The following KCNK4 variants were observed in gnomAD, a reference collection of about 807,000 sequenced individuals.
KCNK4 encodes the protein potassium channel subfamily K member 4.
A neutral mutation model predicts 28.8 loss-of-function variants in KCNK4; 22 were observed. The ratio of observed to expected loss-of-function variants is 0.76; its 90% CI spans 0.55 to 1.09. KCNK4 has a LOEUF of 1.09. KCNK4 is among the 50% of genes least tolerant of loss of function. The probability of loss-of-function intolerance (pLI) is 0.00; values close to 1 mark genes in which losing one functional copy is unlikely to be tolerated. For missense variants in KCNK4, 483 were observed against 546.3 expected (o/e 0.88, Z 1.15); for synonymous variants, 263 against 252.9 (o/e 1.04, Z -0.38).
In KCNK4 at chr11:64,297,664, C is replaced by T. The variant is rs529544469; in HGVS notation, c.661+11C>T. ...GCGACTATGTGGCCGGTGAGGCCGC[C>T]CTTCTTGTGCTGCACTTTCCCATCT... On this transcript the variant is annotated intron_variant, in intron 5 of 6. Transcript: ENST00000422670. 94 of 1,605,842 alleles carry T rather than the reference C, an allele frequency of 5.9e-5. 1 individual carries two copies. In the South Asian group the frequency reaches 9.5e-4, roughly 16 times the overall value.
chr11:64,297,756 C>T, intron 5 of KCNK4, 103 bp downstream of exon 5: 1 of 1,203,598 alleles, frequency 8.3e-7, no homozygotes, highest in Non-Finnish European at 1.2e-6. Flanking sequence ...GTTGCTCTAA[C>T]CCCTGCATCC....
At chr11:64,292,452 G>A (rs2034654925) in intron 1 of KCNK4, among the ~76,000 whole-genome samples, 1 of 152,188 alleles carries the variant, frequency 6.6e-6, no homozygotes, top group African/African-American at 2.4e-5. Flanking sequence ...GGCGAGAGGG[G>A]ACGGAGAAGC....
chr11:64,292,283 G>T (rs1241551271), intron 1 of KCNK4, among the ~76,000 whole-genome samples: 2 of 152,158 alleles, frequency 1.3e-5, no homozygotes, highest in Non-Finnish European at 2.9e-5. Flanking sequence ...TGTCGCCCCG[G>T]TGTGGCCTTT....
intron 6 of KCNK4, among the ~76,000 whole-genome samples, chr11:64,299,050 G>GAAAAAAAAA (rs56097945): frequency 4.2e-4 from 36 of 85,072 alleles, no homozygotes; most frequent in African/African-American, 5.1e-4. Context: ...AAAAAAAGAA[G>GAAAAAAAAA]AAAAAAAAAA....
At chr11:64,292,488 C>A (rs528371301) in intron 1 of KCNK4, among the ~76,000 whole-genome samples, 1 of 152,172 alleles carries the variant, frequency 6.6e-6, no homozygotes, top group South Asian at 2.1e-4. Flanking sequence ...ACAGCCGCAG[C>A]GGGCGAGCAG....
chr11:64,296,828 T>C (rs777868403), intron 2 of KCNK4, 50 bp from the exon 3 acceptor site: 1 of 1,490,516 alleles, frequency 6.7e-7, no homozygotes, highest in Non-Finnish European at 8.9e-7. Context: ...CGAGTTGCCC[T>C]AGACAGGAGG....
intron 1 of KCNK4, among the ~76,000 whole-genome samples, chr11:64,292,491 G>A (rs1364639995): frequency 6.6e-6 from 1 of 152,180 alleles, no homozygotes; most frequent in African/African-American, 2.4e-5. Context: ...GCCGCAGCGG[G>A]CGAGCAGGGA....
At chr11:64,295,696 G>A (rs558071696) in intron 2 of KCNK4, among the ~76,000 whole-genome samples, 1 of 151,846 alleles carries the variant, frequency 6.6e-6, no homozygotes, top group African/African-American at 2.4e-5. Context: ...CTAGGGGAAG[G>A]GGGGTGGGGA....
At position 64,293,645 on chromosome 11, in the gene KCNK4, G is replaced by A. The variant is rs539126425; in HGVS notation, c.189+438G>A. Reference sequence around the variant, plus strand: ...AGACGGAGTCTCCCTGTGTCACCCAGGCTGGAGTGCAGTGGTGTGATCTCA... The same window carrying A: ...AGACGGAGTCTCCCTGTGTCACCCAAGCTGGAGTGCAGTGGTGTGATCTCA... On this transcript the variant is annotated intron_variant, in intron 2 of 6. Transcript: ENST00000422670. Among the ~76,000 whole-genome samples, 12 of 152,170 alleles carry A rather than the reference G, an allele frequency of 7.9e-5. No homozygotes were observed. The South Asian group carries it at 2.5e-3, about 32-fold the overall frequency.
intron 2 of KCNK4, 138 bp from the exon 3 acceptor site, chr11:64,296,740 C>A: frequency 1.2e-6 from 1 of 800,934 alleles, no homozygotes; most frequent in Non-Finnish European, 1.8e-6. Flanking sequence ...CTGTAAGGGA[C>A]TGCCTCCTGG....
intron 2 of KCNK4, 161 bp from the exon 3 acceptor site, chr11:64,296,717 T>G: frequency 1.7e-6 from 1 of 574,054 alleles, no homozygotes; most frequent in Non-Finnish European, 2.7e-6. Flanking sequence ...CTGGACCCAG[T>G]TTGTATCTTC....
At position 64,293,127 on chromosome 11, in the gene KCNK4, A is replaced by G; in HGVS notation, c.109A>G (p.Arg37Gly). ...GCAGCCCCACGAGCAGCAGGCCCAG[A>G]GGGAGCTGGGGGAGGTCCGAGAGAA... ...LEQPHEQQAQRELGEVREKFL... is the reference protein window; with the variant it reads ...LEQPHEQQAQGELGEVREKFL... Residue 37 changes from arginine to glycine, a missense_variant, in exon 2 of 7, where the codon AGG (arginine) becomes GGG (glycine). Arg to Gly is a moderately radical substitution (Grantham distance 125, BLOSUM62 -2). Transcript: ENST00000422670. 1 of 1,545,032 alleles carries G rather than the reference A, an allele frequency of 6.5e-7. No individual in the cohort carries two copies. Among genetic ancestry groups the G allele is most frequent in the Non-Finnish European group, 8.7e-7 (1 of 1,143,912 alleles).
chr11:64,298,135 G>A lies in KCNK4; in HGVS notation c.687G>A (p.Pro229=), dbSNP rs769909733. ...VAGADPRQDS[P]AYQPLVWFWI... ...GCGCGGACCCCAGGCAGGACTCCCC[G>A]GCCTATCAGCCGCTGGTGTGGTTCT... is the stretch of plus-strand genomic sequence containing the variant. Residue 229 remains proline, a synonymous_variant, in exon 6 of 7, where the codon CCG becomes CCA. Coordinates refer to ENST00000422670, the MANE Select transcript of KCNK4 (RefSeq NM_033310.3). The A allele has an allele frequency of 9.3e-6, 15 of 1,613,594 alleles. No individual in the cohort carries two copies. Among genetic ancestry groups the A allele is most frequent in the African/African-American group, 8.0e-5 (6 of 74,894 alleles).
chr11:64,292,554 C>G (rs1444004691), intron 1 of KCNK4: 4 of 153,600 alleles, frequency 2.6e-5, no homozygotes, highest in Non-Finnish European at 5.8e-5. Flanking sequence ...CTCCGGGTTT[C>G]CCTTCGGACG....
chr11:64,299,640 A>G lies in KCNK4; in HGVS notation c.1096A>G (p.Arg366Gly). The G allele has an allele frequency of 6.2e-7, 1 of 1,607,066 alleles. No homozygotes were observed. Among genetic ancestry groups the G allele is most frequent in the Non-Finnish European group, 8.5e-7 (1 of 1,177,496 alleles). Reference sequence around the variant, plus strand: ...CGGCTGCCCGCTGCCCCGCGCGCCGAGAGGTCGCCGCCGCCCAAATCCCCC... The same window carrying G: ...CGGCTGCCCGCTGCCCCGCGCGCCGGGAGGTCGCCGCCGCCCAAATCCCCC... ...ERGCPLPRAP[R>G]GRRRPNPPRK... The change falls in exon 7 of 7, where the codon AGA (arginine) becomes GGA (glycine). Residue 366 changes from arginine (R) to glycine (G), a missense_variant. Coordinates refer to ENST00000422670, the MANE Select transcript of KCNK4 (RefSeq NM_033310.3).
intron 2 of KCNK4, among the ~76,000 whole-genome samples, chr11:64,293,734 G>A (rs2034697600): frequency 1.3e-5 from 2 of 152,166 alleles, no homozygotes; most frequent in South Asian, 4.2e-4. Context: ...CCAAGCAGCT[G>A]GTATTACAGG....
Position 64,300,017 on chromosome 11 carries a change from C to T in KCNK4, c.*291C>T. The T allele has an allele frequency of 1.6e-6, 1 of 622,482 alleles. No homozygotes were observed. The highest frequency in any genetic ancestry group is 2.0e-5 in the South Asian group (1 of 50,314). The allele number at this position is 622,482 out of a possible 1,614,324, so 38.6% of individuals were successfully genotyped here. ...TGAAAACGGTCTGCACCGCTGCGGG[C>T]GTGACGCTCCCGGACGCGAGTGGGT... is the stretch of plus-strand genomic sequence containing the variant. On this transcript the variant is annotated 3_prime_UTR_variant, in exon 7 of 7. Transcript: ENST00000422670.
intron 3 of KCNK4, 26 bp from the exon 4 acceptor site, chr11:64,297,093 A>C: frequency 6.2e-7 from 1 of 1,613,820 alleles, no homozygotes; most frequent in South Asian, 1.1e-5. Flanking sequence ...TGGCCCCTAG[A>C]CTTCCTGCAT....
At chr11:64,298,336 A>G (rs909192877) in intron 6 of KCNK4, 87 bp downstream of exon 6, 57 of 1,528,670 alleles carry the variant, frequency 3.7e-5, no homozygotes, top group Non-Finnish European at 4.6e-5. Context: ...GCTGTCTCCT[A>G]TCCAGGGCGT....
Sources: allele counts gnomAD v4.1 joint callset (sites outside exome capture counted in the v4.1 genomes callset), GRCh38; gene constraint gnomAD v4.1.1; transcripts MANE v1.5; gene names NCBI Gene and HGNC (gene_info 2026-07-23, HGNC 2026-07-21).